The following COG6 variants were observed in gnomAD, a reference collection of about 807,000 sequenced individuals.
The protein encoded by COG6 is component of oligomeric golgi complex 6.
A neutral mutation model predicts 88.8 loss-of-function variants in COG6; 74 were observed. The observed-to-expected ratio is 0.83, with a 90% CI of 0.69 to 1.01. The LOEUF is 1.01. COG6 is among the 50% of genes least tolerant of loss of function. The pLI is 0.00. For synonymous variants in COG6, 286 were observed against 278.7 expected, an observed-to-expected ratio of 1.03 and a Z score of -0.26; for missense variants, 800 against 797.9, an observed-to-expected ratio of 1.00 and a Z score of -0.03.
intron 13 of COG6, among the ~76,000 whole-genome samples, chr13:39,703,236 T>C (rs1877685103): frequency 6.6e-6 from 1 of 152,032 alleles, no homozygotes; most frequent in Non-Finnish European, 1.5e-5. Flanking sequence ...ACTGAAAAAG[T>C]GCCAACTCTT....
intron 18 of COG6, among the ~76,000 whole-genome samples, chr13:39,783,131 G>A (rs549663282): frequency 8.2e-4 from 125 of 152,184 alleles, no homozygotes; most frequent in African/African-American, 2.6e-3. Context: ...AGTAAAGCTC[G>A]AGTATTGATT....
At position 39,679,963 on chromosome 13, in the gene COG6, A is replaced by T. The variant is rs1593419941; in HGVS notation, c.624-12A>T. On this transcript the variant is annotated splice_polypyrimidine_tract_variant and intron_variant, in intron 6 of 18. Coordinates refer to ENST00000455146, the MANE Select transcript of COG6 (RefSeq NM_020751.3). ...ACTAAAGTTTAAATTATAATCATTA[A>T]TTTTTTTTTAGTTTAGAAATTATGG... 1 of 1,393,222 alleles carries T rather than the reference A, an allele frequency of 7.2e-7. No homozygotes were observed. The highest frequency in any genetic ancestry group is 1.0e-6 in the Non-Finnish European group (1 of 986,654). 86.3% of individuals were successfully genotyped at this position (1,393,222 alleles called of 1,614,324 possible).
chr13:39,738,167 G>T (rs754867995), intron 18 of COG6, among the ~76,000 whole-genome samples: 1 of 152,062 alleles, frequency 6.6e-6, no homozygotes, highest in African/African-American at 2.4e-5. Context: ...GTGATTTTTT[G>T]TGTGGATAGA....
chr13:39,777,060 A>G (rs1337093802), intron 18 of COG6, among the ~76,000 whole-genome samples: 7 of 152,210 alleles, frequency 4.6e-5, no homozygotes, highest in African/African-American at 7.2e-5. Context: ...CACTTGCTAC[A>G]TCAAGTGTTA....
chr13:39,771,977 G>A (rs537485477), intron 18 of COG6, among the ~76,000 whole-genome samples: 3 of 152,232 alleles, frequency 2.0e-5, no homozygotes, highest in South Asian at 2.1e-4. Context: ...TAAAACTACC[G>A]CTGTCTCATT....
intron 1 of COG6, among the ~76,000 whole-genome samples, chr13:39,657,334 ATAACCTTCTTT>A (rs1443011105): frequency 6.6e-6 from 1 of 152,218 alleles, no homozygotes; most frequent in Non-Finnish European, 1.5e-5. Context: ...GCCCGGCCAC[ATAACCTTCTTT>A]TTACCATGAG....
At chr13:39,697,933 T>A (rs1877365757) in intron 12 of COG6, among the ~76,000 whole-genome samples, 1 of 151,962 alleles carries the variant, frequency 6.6e-6, no homozygotes, top group Admixed American at 6.6e-5. Flanking sequence ...TGTGTTGTGG[T>A]GGAGGAGGAG....
At chr13:39,747,694 A>G (rs1185716335) in intron 18 of COG6, among the ~76,000 whole-genome samples, 1 of 152,070 alleles carries the variant, frequency 6.6e-6, no homozygotes, top group Non-Finnish European at 1.5e-5. Context: ...GCTTTATTTT[A>G]TCTATTGCAG....
At chr13:39,736,914 G>A (rs990160581) in intron 18 of COG6, among the ~76,000 whole-genome samples, 1 of 152,120 alleles carries the variant, frequency 6.6e-6, no homozygotes, top group South Asian at 2.1e-4. Flanking sequence ...CATCGAAGAG[G>A]TGGGTGTTAT....
intron 1 of COG6, among the ~76,000 whole-genome samples, chr13:39,657,961 G>A (rs1479331185): frequency 6.6e-6 from 1 of 151,994 alleles, no homozygotes; most frequent in African/African-American, 2.4e-5. Context: ...TAACATGGGC[G>A]GAACTCTTGA....
chr13:39,714,942 AG>A lies in COG6; in HGVS notation c.1285-4293del, dbSNP rs140265383. Among the ~76,000 whole-genome samples the A allele has an allele frequency of 4.6e-3, 700 of 152,262 alleles. 5 individuals are homozygous for A. Among genetic ancestry groups the A allele is most frequent in the African/African-American group, 0.016 (647 of 41,542 alleles). On this transcript the variant is annotated intron_variant, in intron 13 of 18. Coordinates refer to ENST00000455146, the MANE Select transcript of COG6 (RefSeq NM_020751.3). ...AGCAGGAGGCCATTATTCTAAGTGA[AG>A]CAACTCAGGAATAGGAAGCCAAAAA... is the stretch of plus-strand genomic sequence containing the variant.
chr13:39,723,232 G>A, intron 15 of COG6, 101 bp from the exon 16 acceptor site: 1 of 735,498 alleles, frequency 1.4e-6, no homozygotes, highest in Non-Finnish European at 2.5e-6. Flanking sequence ...TGTTACAGAG[G>A]TGATCCCTGT....
chr13:39,665,143 TC>T lies in COG6; in HGVS notation c.418del (p.Gln140AsnfsTer7). The T allele has an allele frequency of 1.3e-6, 2 of 1,536,270 alleles. No individual in the cohort carries two copies. Among genetic ancestry groups the T allele is most frequent in the Non-Finnish European group, 1.8e-6 (2 of 1,110,100 alleles). On this transcript the variant is annotated frameshift_variant, in exon 4 of 19. Coordinates refer to ENST00000455146, the MANE Select transcript of COG6 (RefSeq NM_020751.3). LOFTEE classifies it high-confidence loss of function. ...ATTTAATAGTAAAAACCACTAAGCT[TC>T]AATCTGAAAGGTAAGTTTTTCTTCA... ...QDLIVKTTKL[Q>X]SESQKLEIRA... is the part of the protein sequence containing the mutation.
intron 13 of COG6, among the ~76,000 whole-genome samples, chr13:39,706,255 T>TTATATATATATATATATACTCCTTTATA (rs1877902819): frequency 8.7e-6 from 1 of 114,672 alleles, no homozygotes; most frequent in African/African-American, 3.3e-5. Context: ...ATATACTCCT[T>TTATATATATATATATATACTCCTTTATA]TATATATATA....
intron 3 of COG6, chr13:39,664,018 T>C (rs1241424103): frequency 1.9e-5 from 3 of 154,766 alleles, no homozygotes; most frequent in African/African-American, 7.2e-5. Flanking sequence ...GGCTCTGTTA[T>C]TGACAGCATA....
chr13:39,733,404 T>A (rs989280941), intron 18 of COG6, among the ~76,000 whole-genome samples: 1 of 152,050 alleles, frequency 6.6e-6, no homozygotes, highest in South Asian at 2.1e-4. Flanking sequence ...TTGGCCCGGC[T>A]GATCTCAAAC....
rs147671391 is a variant in COG6 at position 39,695,111 on chromosome 13, G to T, written c.1166+386G>T. Among the ~76,000 whole-genome samples, 1,341 of 151,708 alleles carry T rather than the reference G, an allele frequency of 8.8e-3. 7 individuals carry two copies. The highest frequency in any genetic ancestry group is 0.015 in the Non-Finnish European group (1,007 of 67,742). ...ATACTCACAATAGAGCATAGTGAAT[G>T]AAATGTTCTATTCTGGATGTAAATA... On this transcript the variant is annotated intron_variant, in intron 12 of 18. Transcript: ENST00000455146.
chr13:39,700,129 T>G (rs919623941), intron 13 of COG6, among the ~76,000 whole-genome samples: 1 of 151,816 alleles, frequency 6.6e-6, no homozygotes, highest in African/African-American at 2.4e-5. Flanking sequence ...ATCTAATATC[T>G]TAAATTGAGC....
intron 1 of COG6, chr13:39,656,313 G>A (rs1874492682): frequency 2.4e-5 from 10 of 411,318 alleles, no homozygotes; most frequent in South Asian, 1.8e-4. Flanking sequence ...AGAGAGCAGT[G>A]GTAGGGATAA....
Sources: allele counts gnomAD v4.1 joint callset (sites outside exome capture counted in the v4.1 genomes callset), GRCh38; gene constraint gnomAD v4.1.1; transcripts MANE v1.5; gene names NCBI Gene and HGNC (gene_info 2026-07-23, HGNC 2026-07-21).